Variants in SCN9A observed in about 807,000 individuals in gnomAD.
SCN9A encodes the protein sodium channel protein type 9 subunit alpha.
SCN9A carries 131 observed loss-of-function variants against 187.0 expected under a neutral mutation model. The ratio of observed to expected loss-of-function variants is 0.70; its 90% CI spans 0.61 to 0.81. SCN9A has a LOEUF of 0.81. Ranked by LOEUF, SCN9A falls within the 30% of genes least tolerant of loss-of-function variation. SCN9A has a pLI of 0.00. For missense variants in SCN9A, 2,252 were observed against 2,396.6 expected, an observed-to-expected ratio of 0.94 and a Z score of 1.26; for synonymous variants, 809 against 808.6, an observed-to-expected ratio of 1.00 and a Z score of -0.01.
At chr2:166,213,493 A>AATAATAATG (rs1240986581) in intron 24 of SCN9A, among the ~76,000 whole-genome samples, 2 of 147,434 alleles carry the variant, frequency 1.4e-5, no homozygotes, top group Admixed American at 6.8e-5. Context: ...TAATAATAAT[A>AATAATAATG]ATGATAATGA....
chr2:166,253,870 A>G (rs138541068), intron 17 of SCN9A, among the ~76,000 whole-genome samples: 1 of 151,962 alleles, frequency 6.6e-6, no homozygotes, highest in African/African-American at 2.4e-5. Flanking sequence ...ACAATAGGAA[A>G]TAGTTATAAT....
At chr2:166,356,863 T>A (rs1167100027) in intron 1 of SCN9A, among the ~76,000 whole-genome samples, 1 of 152,184 alleles carries the variant, frequency 6.6e-6, no homozygotes, top group Non-Finnish European at 1.5e-5. Flanking sequence ...ATTTAGTCAT[T>A]CCCACACTGT....
chr2:166,360,219 C>CAAAAAAAAA (rs1251018524), intron 1 of SCN9A, among the ~76,000 whole-genome samples: 3 of 23,998 alleles, frequency 1.3e-4, no homozygotes, highest in African/African-American at 7.5e-4. Flanking sequence ...AACTCTGTCT[C>CAAAAAAAAA]AAAAAAAAAA....
chr2:166,232,726 A>G lies in SCN9A; in HGVS notation c.3924+614T>C, dbSNP rs865880368. ...CTTGTTAAACAATATGCACTGAAAT[A>G]CTGTGTGTGTATATATATATATATA... On this transcript the variant is annotated intron_variant, in intron 21 of 26. Coordinates refer to ENST00000642356, the MANE Select transcript of SCN9A (RefSeq NM_001365536.1). Among the ~76,000 whole-genome samples the G allele has an allele frequency of 7.4e-5, 7 of 95,176 alleles. No individual in the cohort carries two copies. In the South Asian group the frequency reaches 2.7e-3, roughly 36 times the overall value. 62.4% of individuals were successfully genotyped at this position (95,176 alleles called of 152,430 possible). A position where few individuals can be genotyped will look rare whatever the true frequency, so the allele number is the denominator to read the frequency against.
chr2:166,283,735 T>C (rs1005599897), intron 12 of SCN9A, among the ~76,000 whole-genome samples: 9 of 152,210 alleles, frequency 5.9e-5, no homozygotes, highest in Non-Finnish European at 8.8e-5. Context: ...ATGTTTCATT[T>C]ATATGGAGGA....
chr2:166,292,813 G>A (rs911762170), intron 9 of SCN9A, among the ~76,000 whole-genome samples: 18 of 152,262 alleles, frequency 1.2e-4, no homozygotes, highest in Middle Eastern at 3.4e-3. Context: ...GAAATGAATT[G>A]CATCTTTAAC....
intron 3 of SCN9A, 71 bp downstream of exon 3, chr2:166,306,885 C>T (rs1698776108): frequency 1.2e-6 from 1 of 822,344 alleles, no homozygotes. Flanking sequence ...GGTATAACAT[C>T]TATATTTGAA....
At chr2:166,226,437 T>A in intron 24 of SCN9A, 130 bp downstream of exon 24, 1 of 678,204 alleles carries the variant, frequency 1.5e-6, no homozygotes, top group Non-Finnish European at 2.4e-6. Context: ...ACTAGTCAAT[T>A]ATTTGAAAAA....
intron 1 of SCN9A, among the ~76,000 whole-genome samples, chr2:166,365,519 T>G (rs1700394730): frequency 6.6e-6 from 1 of 152,136 alleles, no homozygotes; most frequent in African/African-American, 2.4e-5. Flanking sequence ...CCCTACAAAA[T>G]CAAGAAAAAC....
intron 24 of SCN9A, among the ~76,000 whole-genome samples, chr2:166,215,041 A>G (rs1271375819): frequency 6.6e-6 from 1 of 152,244 alleles, no homozygotes; most frequent in African/African-American, 2.4e-5. Flanking sequence ...GATAGATCAC[A>G]TGTTAGGCCA....
chr2:166,239,650 T>C (rs914182262), intron 19 of SCN9A, among the ~76,000 whole-genome samples: 1 of 152,094 alleles, frequency 6.6e-6, no homozygotes, highest in Non-Finnish European at 1.5e-5. Flanking sequence ...TCCCCTCCAC[T>C]CCACCCCCAA....
chr2:166,280,198 A>G (rs890483882), intron 14 of SCN9A, among the ~76,000 whole-genome samples, 159 bp downstream of exon 14: 23 of 152,306 alleles, frequency 1.5e-4, no homozygotes, highest in Middle Eastern at 3.4e-3. Flanking sequence ...TTTAAAAGAC[A>G]TAACCAGAAA....
chr2:166,259,960 A>G (rs73019696), intron 17 of SCN9A, among the ~76,000 whole-genome samples: 1,906 of 151,932 alleles, frequency 0.013, 46 homozygotes, highest in African/African-American at 0.043. Flanking sequence ...CATAAAATAT[A>G]GAATCAAATG....
rs1225124384 is a variant in SCN9A at position 166,222,943 on chromosome 2, AAC to A, written c.4398+3622_4398+3623del. Among the ~76,000 whole-genome samples the A allele has an allele frequency of 1.7e-4, 10 of 59,538 alleles. 1 individual carries two copies. Among genetic ancestry groups the A allele is most frequent in the African/African-American group, 6.5e-4 (9 of 13,744 alleles). 39.1% of individuals were successfully genotyped at this position (59,538 alleles called of 152,430 possible). A position where few individuals can be genotyped will look rare whatever the true frequency, so the allele number is the denominator to read the frequency against. ...GAAACTCCGTCTCAAAAAAAAAAAC[AAC>A]AAAAAAAAAAAAAAAAAAAAAAAAA... is the stretch of plus-strand genomic sequence containing the variant. On this transcript the variant is annotated intron_variant, in intron 24 of 26. Transcript: ENST00000642356.
intron 21 of SCN9A, among the ~76,000 whole-genome samples, chr2:166,231,927 C>A (rs1032856206): frequency 6.6e-6 from 1 of 152,002 alleles, no homozygotes; most frequent in Non-Finnish European, 1.5e-5. Context: ...GTTAAGTAAA[C>A]AAATAAGTAA....
intron 13 of SCN9A, among the ~76,000 whole-genome samples, 192 bp downstream of exon 13, chr2:166,281,487 C>T (rs754154942): frequency 6.6e-6 from 1 of 152,104 alleles, no homozygotes; most frequent in Non-Finnish European, 1.5e-5. Context: ...TGTTTAATAG[C>T]AAATAATTTT....
chr2:166,239,649 C>T (rs1373479813), intron 19 of SCN9A, among the ~76,000 whole-genome samples: 2 of 152,274 alleles, frequency 1.3e-5, no homozygotes, highest in African/African-American at 4.8e-5. Flanking sequence ...CTCCCCTCCA[C>T]TCCACCCCCA....
At chr2:166,336,906 T>C (rs1021526476) in intron 1 of SCN9A, among the ~76,000 whole-genome samples, 31 of 152,132 alleles carry the variant, frequency 2.0e-4, no homozygotes, top group Non-Finnish European at 5.9e-5. Flanking sequence ...TTATTTTCAT[T>C]ATTTTTAAGG....
At chr2:166,224,060 T>A (rs1033966470) in intron 24 of SCN9A, among the ~76,000 whole-genome samples, 1 of 152,152 alleles carries the variant, frequency 6.6e-6, no homozygotes, top group Non-Finnish European at 1.5e-5. Context: ...CCATCCTATT[T>A]TACTTCCTGC....
Sources: gnomAD v4.1 joint callset for allele counts (sites outside exome capture counted in the v4.1 genomes callset) on GRCh38, gnomAD v4.1.1 for gene constraint, MANE v1.5 for transcripts, NCBI Gene and HGNC (gene_info 2026-07-23, HGNC 2026-07-21) for gene names.